The following IFT52 variants were observed in gnomAD, a reference collection of about 807,000 sequenced individuals.
The protein encoded by IFT52 is intraflagellar transport 52, also known as intraflagellar transport protein 52 homolog.
In IFT52, 44 loss-of-function variants were observed where a neutral mutation model predicts 54.4. That is an observed-to-expected ratio of 0.81 (90% CI 0.63 to 1.04). The LOEUF (loss-of-function observed/expected upper bound fraction) is 1.04. Ranked by LOEUF, IFT52 falls within the 50% of genes least tolerant of loss-of-function variation. The probability of loss-of-function intolerance (pLI) is 0.00; values close to 1 mark genes in which losing one functional copy is unlikely to be tolerated. For missense variants in IFT52, 452 were observed against 523.6 expected (o/e 0.86, Z 1.33); for synonymous variants, 181 against 185.3 (o/e 0.98, Z 0.19).
chr20:43,591,375 G>C (rs1017221411), intron 1 of IFT52, among the ~76,000 whole-genome samples: 2 of 152,228 alleles, frequency 1.3e-5, no homozygotes, highest in African/African-American at 2.4e-5. Flanking sequence ...ATACTGATTT[G>C]ACTGGTAATG....
chr20:43,611,316 C>T (rs959581981), intron 6 of IFT52, among the ~76,000 whole-genome samples: 1 of 152,034 alleles, frequency 6.6e-6, no homozygotes, highest in African/African-American at 2.4e-5. Context: ...CAAGCTATTC[C>T]GTCTTTTAGG....
intron 7 of IFT52, among the ~76,000 whole-genome samples, chr20:43,615,009 A>G (rs1296539282): frequency 6.6e-6 from 1 of 151,516 alleles, no homozygotes; most frequent in African/African-American, 2.4e-5. Context: ...GAGTTTCACT[A>G]TGTTGGCCAG....
chr20:43,600,199 T>C (rs1455189893), intron 3 of IFT52, among the ~76,000 whole-genome samples: 1 of 152,178 alleles, frequency 6.6e-6, no homozygotes, highest in African/African-American at 2.4e-5. Flanking sequence ...GATAGGTACA[T>C]ATGCAGACTG....
At chr20:43,595,596 G>A (rs1981890699) in intron 2 of IFT52, among the ~76,000 whole-genome samples, 2 of 151,586 alleles carry the variant, frequency 1.3e-5, no homozygotes, top group Middle Eastern at 3.4e-3. Flanking sequence ...TTATTAAAAC[G>A]TCTCTTGGGC....
chr20:43,641,529 C>T (rs1458854929), intron 12 of IFT52, among the ~76,000 whole-genome samples: 1 of 150,248 alleles, frequency 6.7e-6, no homozygotes, highest in Non-Finnish European at 1.5e-5. Context: ...TGAGCCACCA[C>T]GTCCCCCAGG....
At chr20:43,606,446 C>T (rs1982890110) in intron 6 of IFT52, among the ~76,000 whole-genome samples, 1 of 151,624 alleles carries the variant, frequency 6.6e-6, no homozygotes, top group African/African-American at 2.4e-5. Flanking sequence ...GCTAATTTCT[C>T]TATTTTTAGT....
At chr20:43,607,198 T>C (rs1281319997) in intron 6 of IFT52, among the ~76,000 whole-genome samples, 1 of 138,252 alleles carries the variant, frequency 7.2e-6, no homozygotes, top group Admixed American at 7.1e-5. Context: ...ATGGGGCGGC[T>C]GGCCGGGCGG....
intron 8 of IFT52, 29 bp downstream of exon 8, chr20:43,619,055 T>C: frequency 2.2e-6 from 3 of 1,374,756 alleles, no homozygotes; most frequent in Non-Finnish European, 3.1e-6. Flanking sequence ...CATATTAATA[T>C]ACAATGTGTA....
intron 1 of IFT52, among the ~76,000 whole-genome samples, chr20:43,592,512 T>A (rs919701224): frequency 6.6e-6 from 1 of 151,654 alleles, no homozygotes; most frequent in African/African-American, 2.4e-5. Context: ...AGGCAGAGGT[T>A]GTGGTGAGCC....
intron 6 of IFT52, among the ~76,000 whole-genome samples, chr20:43,606,273 C>CTT (rs1173335571): frequency 6.4e-4 from 87 of 134,958 alleles, no homozygotes; most frequent in African/African-American, 1.5e-3. Flanking sequence ...AAATGAACAT[C>CTT]TTTTTTTTTT....
At chr20:43,594,483 A>T (rs978731493) in intron 1 of IFT52, among the ~76,000 whole-genome samples, 10 of 152,110 alleles carry the variant, frequency 6.6e-5, no homozygotes, top group Admixed American at 6.5e-4. Flanking sequence ...AAAAGCGGGT[A>T]GGGGAGGGCT....
At chr20:43,599,795 A>G (rs1017683532) in intron 3 of IFT52, among the ~76,000 whole-genome samples, 1 of 152,146 alleles carries the variant, frequency 6.6e-6, no homozygotes. Flanking sequence ...CACCTCAACT[A>G]CATTGACGCA....
At chr20:43,628,176 G>GC (rs1232505455) in intron 10 of IFT52, among the ~76,000 whole-genome samples, 1 of 151,876 alleles carries the variant, frequency 6.6e-6, no homozygotes, top group Admixed American at 6.6e-5. Flanking sequence ...TGATCCACCC[G>GC]CCTCAGCCTC....
intron 12 of IFT52, among the ~76,000 whole-genome samples, chr20:43,641,219 GTTTT>G (rs1985900818): frequency 2.0e-5 from 3 of 151,708 alleles, no homozygotes; most frequent in Non-Finnish European, 2.9e-5. Context: ...TTGGGGTTTT[GTTTT>G]GTTTTGTTTT....
chr20:43,607,350 G>A (rs1487456508), intron 6 of IFT52, among the ~76,000 whole-genome samples: 3 of 150,436 alleles, frequency 2.0e-5, no homozygotes, highest in East Asian at 2.0e-4. Context: ...GCTGCCGGGC[G>A]GAGACGCTCC....
At chr20:43,606,892 C>G (rs1425578708) in intron 6 of IFT52, among the ~76,000 whole-genome samples, 9 of 152,286 alleles carry the variant, frequency 5.9e-5, no homozygotes, top group Non-Finnish European at 1.3e-4. Context: ...TCAGAGAGCA[C>G]AGGGTTGGGG....
chr20:43,643,176 A>G (rs1312693880), intron 13 of IFT52, among the ~76,000 whole-genome samples: 1 of 149,474 alleles, frequency 6.7e-6, no homozygotes, highest in Non-Finnish European at 1.5e-5. Flanking sequence ...AAAAAAAACA[A>G]AAAAACAAAA....
At chr20:43,622,442 CA>C (rs11476747) in intron 9 of IFT52, among the ~76,000 whole-genome samples, 107,571 of 148,272 alleles carry the variant, frequency 0.73, 39,209 homozygotes, top group East Asian at 0.8. Flanking sequence ...ACTAAAAATA[CA>C]AAAAAAAAAA....
chr20:43,594,656 G>T, intron 1 of IFT52, 37 bp from the exon 2 acceptor site: 1 of 1,129,944 alleles, frequency 8.8e-7, no homozygotes, highest in Non-Finnish European at 1.3e-6. Context: ...TTGGAATATT[G>T]TTTATTGATT....
Sources: allele counts gnomAD v4.1 joint callset (sites outside exome capture counted in the v4.1 genomes callset), GRCh38; gene constraint gnomAD v4.1.1; transcripts MANE v1.5; gene names NCBI Gene and HGNC (gene_info 2026-07-23, HGNC 2026-07-21).